TRIM9: variants seen among roughly 807,000 people sequenced by gnomAD.
TRIM9 encodes tripartite motif containing 9.
In TRIM9, 26 loss-of-function variants were observed where a neutral mutation model predicts 78.3. That is an observed-to-expected ratio of 0.33 (90% confidence interval 0.24 to 0.46). TRIM9 has a LOEUF of 0.46. TRIM9 is among the 20% of genes least tolerant of loss of function. TRIM9 has a pLI of 1.00. For missense variants in TRIM9, 787 were observed against 1,036.4 expected, an observed-to-expected ratio of 0.76 and a Z score of 3.30; for synonymous variants, 398 against 416.5, an observed-to-expected ratio of 0.96 and a Z score of 0.54.
chr14:51,007,229 T>G lies in TRIM9; in HGVS notation c.1306+1851A>C, dbSNP rs1351039908. Among the ~76,000 whole-genome samples, 4 of 152,190 alleles carry G rather than the reference T, an allele frequency of 2.6e-5. 1 individual carries two copies. The highest frequency in any genetic ancestry group is 9.7e-5 in the African/African-American group (4 of 41,446). Reference sequence around the variant, plus strand: ...TTGTGACATATTTTTTCCTTTAAGCTACTTGTGACATACCCTTCAGTGATT... The same window carrying G: ...TTGTGACATATTTTTTCCTTTAAGCGACTTGTGACATACCCTTCAGTGATT... On this transcript the variant is annotated intron_variant, in intron 5 of 12. Coordinates refer to ENST00000684578, the MANE Select transcript of TRIM9 (RefSeq NM_001387360.1).
chr14:51,060,071 A>G (rs8012734), intron 1 of TRIM9, among the ~76,000 whole-genome samples: 47,220 of 152,094 alleles, frequency 0.31, 7,667 homozygotes, highest in South Asian at 0.53. Context: ...TCACAGATAA[A>G]TCACCTCCTG....
At chr14:51,028,510 A>G (rs1262777733) in intron 1 of TRIM9, among the ~76,000 whole-genome samples, 3 of 152,240 alleles carry the variant, frequency 2.0e-5, no homozygotes, top group Non-Finnish European at 4.4e-5. Flanking sequence ...GCTAACAAAG[A>G]TGTTCTGCAT....
chr14:50,991,512 C>G (rs1429362556), intron 7 of TRIM9, among the ~76,000 whole-genome samples: 2 of 152,150 alleles, frequency 1.3e-5, no homozygotes, highest in African/African-American at 4.8e-5. Flanking sequence ...CCCAGATGCT[C>G]TGGGTCAGGA....
At chr14:51,051,871 G>A (rs1168704934) in intron 1 of TRIM9, among the ~76,000 whole-genome samples, 1 of 152,114 alleles carries the variant, frequency 6.6e-6, no homozygotes, top group Non-Finnish European at 1.5e-5. Flanking sequence ...GGAGGCTGAG[G>A]TGAGATAATT....
chr14:50,984,986 A>T (rs1243192793), intron 8 of TRIM9, among the ~76,000 whole-genome samples: 1 of 152,228 alleles, frequency 6.6e-6, no homozygotes, highest in Non-Finnish European at 1.5e-5. Flanking sequence ...TTGCACTGTC[A>T]TGCTGTGGCC....
intron 1 of TRIM9, among the ~76,000 whole-genome samples, chr14:51,080,306 G>C (rs1459606778): frequency 6.6e-6 from 1 of 151,946 alleles, no homozygotes; most frequent in South Asian, 2.1e-4. Context: ...CCCTTAAAGA[G>C]AGAAAACAAT....
At chr14:51,025,381 G>T (rs1248946559) in intron 1 of TRIM9, 21 bp from the exon 2 acceptor site, 2 of 1,611,614 alleles carry the variant, frequency 1.2e-6, no homozygotes, top group East Asian at 2.2e-5. Context: ...AAAGAAGGAA[G>T]CCATGGAGCT....
At chr14:51,051,336 A>G (rs1364386194) in intron 1 of TRIM9, among the ~76,000 whole-genome samples, 1 of 152,170 alleles carries the variant, frequency 6.6e-6, no homozygotes, top group Non-Finnish European at 1.5e-5. Context: ...AAGAGATGAG[A>G]CAAAGAAGCA....
At chr14:51,012,014 C>G (rs1346368546) in intron 3 of TRIM9, among the ~76,000 whole-genome samples, 1 of 152,190 alleles carries the variant, frequency 6.6e-6, no homozygotes, top group East Asian at 1.9e-4. Context: ...AATATTTTGA[C>G]AACTCATTCA....
chr14:51,092,413 C>T (rs887397910), intron 1 of TRIM9, among the ~76,000 whole-genome samples: 4 of 152,136 alleles, frequency 2.6e-5, no homozygotes, highest in Non-Finnish European at 4.4e-5. Context: ...TTTTTTCTTG[C>T]TGTAAACAAA....
intron 1 of TRIM9, among the ~76,000 whole-genome samples, chr14:51,027,950 A>G (rs875207): frequency 0.43 from 64,910 of 151,980 alleles, 15,297 homozygotes; most frequent in African/African-American, 0.63. Context: ...CAGAAGTAAA[A>G]TTGATTTGGT....
At chr14:51,087,951 C>A (rs545158986) in intron 1 of TRIM9, among the ~76,000 whole-genome samples, 1 of 152,216 alleles carries the variant, frequency 6.6e-6, no homozygotes, top group South Asian at 2.1e-4. Context: ...CATTAATATT[C>A]CTCATGCCTA....
At chr14:51,087,639 T>C (rs1463612155) in intron 1 of TRIM9, among the ~76,000 whole-genome samples, 1 of 152,166 alleles carries the variant, frequency 6.6e-6, no homozygotes, top group Admixed American at 6.5e-5. Flanking sequence ...TATAGATAAC[T>C]CTTGTTCTAA....
chr14:51,049,652 G>A (rs11844527), intron 1 of TRIM9, among the ~76,000 whole-genome samples: 2 of 151,712 alleles, frequency 1.3e-5, no homozygotes, highest in East Asian at 3.9e-4. Context: ...ATGGTGAAAC[G>A]CCATCTCTAC....
intron 5 of TRIM9, 47 bp from the exon 6 acceptor site, chr14:51,000,887 T>C: frequency 1.9e-6 from 3 of 1,606,358 alleles, no homozygotes; most frequent in Non-Finnish European, 2.6e-6. Context: ...GCTGCAGATA[T>C]TCCAGTATCT....
intron 1 of TRIM9, among the ~76,000 whole-genome samples, chr14:51,032,669 A>C (rs549699622): frequency 1.1e-4 from 17 of 152,352 alleles, no homozygotes; most frequent in African/African-American, 3.8e-4. Flanking sequence ...ACTATCTCTC[A>C]GAGTCTGTGT....
chr14:51,025,197 G>A (rs2139799765), intron 2 of TRIM9, 68 bp downstream of exon 2: 3 of 1,375,826 alleles, frequency 2.2e-6, no homozygotes, highest in Non-Finnish European at 3.1e-6. Context: ...AGAGGAGAAG[G>A]AAACTCTCCC....
chr14:51,006,787 T>G (rs1470676636), intron 5 of TRIM9, among the ~76,000 whole-genome samples: 2 of 152,232 alleles, frequency 1.3e-5, no homozygotes, highest in African/African-American at 4.8e-5. Flanking sequence ...GTTCTGCGTT[T>G]TGGCCCTGAG....
intron 1 of TRIM9, among the ~76,000 whole-genome samples, chr14:51,058,151 C>T (rs1297809253): frequency 6.6e-6 from 1 of 152,160 alleles, no homozygotes; most frequent in Non-Finnish European, 1.5e-5. Flanking sequence ...AATCTAGCAG[C>T]CTAAGCCAGC....
Sources: gnomAD v4.1 joint callset for allele counts (sites outside exome capture counted in the v4.1 genomes callset) on GRCh38, gnomAD v4.1.1 for gene constraint, MANE v1.5 for transcripts, NCBI Gene and HGNC (gene_info 2026-07-23, HGNC 2026-07-21) for gene names.